The following RP1 variants were observed in gnomAD, a reference collection of about 807,000 sequenced individuals.
RP1 encodes the protein RP1 axonemal microtubule associated, also known as oxygen-regulated protein 1.
Under a neutral mutation model 14.8 loss-of-function variants are expected in RP1, and 16 were observed. The observed-to-expected ratio is 1.08, with a 90% CI of 0.73 to 1.65. The LOEUF (loss-of-function observed/expected upper bound fraction) is 1.65, where lower values mean the gene tolerates loss of function less well. Among genes scored for constraint, RP1 ranks in the 40% most tolerant of loss-of-function variants. The probability of loss-of-function intolerance (pLI) is 0.00; values close to 1 mark genes in which losing one functional copy is unlikely to be tolerated. For missense variants in RP1, 2,631 were observed against 2,535.0 expected, an observed-to-expected ratio of 1.04 and a Z score of -0.81; for synonymous variants, 876 against 883.6, an observed-to-expected ratio of 0.99 and a Z score of 0.15.
chr8:54,772,615 TG>T (rs936686775), downstream of RP1, among the ~76,000 whole-genome samples: 1 of 152,198 alleles, frequency 6.6e-6, no homozygotes, highest in African/African-American at 2.4e-5. Flanking sequence ...TGGGATAGGT[TG>T]TATCATTATT....
intron 24 of RP1, among the ~76,000 whole-genome samples, chr8:54,820,823 C>T (rs75747005): frequency 0.039 from 5,968 of 152,060 alleles, 148 homozygotes; most frequent in African/African-American, 0.068. Flanking sequence ...AGGGGAGGAT[C>T]GCTGCGGGCC....
At chr8:54,704,581 A>G (rs1432422030) in intron 14 of RP1, among the ~76,000 whole-genome samples, 1 of 152,254 alleles carries the variant, frequency 6.6e-6, no homozygotes, top group Non-Finnish European at 1.5e-5. Flanking sequence ...TTGGAAAAAT[A>G]GTACTGATAG....
rs774495291 is a variant in RP1, at chr8:54,621,497, C to T, written c.531C>T (p.Thr177=). 1.2e-6 allele frequency: 2 copies of T among 1,614,134 alleles called. No individual in the cohort carries two copies. Among genetic ancestry groups the T allele is most frequent in the Admixed American group, 1.7e-5 (1 of 60,014 alleles). ...RRAVLLSRRV[T]QSFEAFLQHL... ...CGGTTCTTCTGAGCAGGAGGGTCACCCAGAGCTTCGAGGCATTTCTACAGC... is the reference window on the plus strand; with the variant it reads ...CGGTTCTTCTGAGCAGGAGGGTCACTCAGAGCTTCGAGGCATTTCTACAGC... The change falls in exon 2 of 4, where the codon ACC becomes ACT. Residue 177 remains threonine, a synonymous_variant. Transcript: ENST00000220676.
At chr8:54,593,109 A>C (rs1805075807) in intron 1 of RP1, among the ~76,000 whole-genome samples, 1 of 152,098 alleles carries the variant, frequency 6.6e-6, no homozygotes, top group Non-Finnish European at 1.5e-5. Context: ...TTAGAATGAC[A>C]GTTCTTGGGG....
intron 18 of RP1, among the ~76,000 whole-genome samples, chr8:54,737,802 G>T (rs1045034747): frequency 1.3e-5 from 2 of 152,120 alleles, no homozygotes; most frequent in African/African-American, 4.8e-5. Context: ...GATAGTTTCT[G>T]GGTGATTTGA....
At position 54,785,985 on chromosome 8, in the gene RP1, T is replaced by C. The variant is rs912592593; in HGVS notation, c.3615+2275T>C. On this transcript the variant is annotated intron_variant, in intron 24 of 28. Transcript: ENST00000637698. ...GTTATATATTCCCAATATGAATCTG[T>C]TATCATATCGATAACAAATATGTTT... Among the ~76,000 whole-genome samples, 6 of 152,248 alleles carry C rather than the reference T, an allele frequency of 3.9e-5. No individual in the cohort carries two copies. In the South Asian group the frequency reaches 1.2e-3, roughly 32 times the overall value.
intron 19 of RP1, among the ~76,000 whole-genome samples, chr8:54,754,482 T>C (rs1411001195): frequency 2.6e-5 from 4 of 152,158 alleles, no homozygotes; most frequent in African/African-American, 7.2e-5. Flanking sequence ...TAAAAGATAG[T>C]TAAAATAAAG....
chr8:54,698,923 G>A (rs1486351347), intron 12 of RP1, among the ~76,000 whole-genome samples: 5 of 152,070 alleles, frequency 3.3e-5, no homozygotes, highest in Admixed American at 6.6e-5. Context: ...AGCATTAGGA[G>A]AAATACCTAA....
chr8:54,690,029 G>A (rs139908294), intron 12 of RP1, among the ~76,000 whole-genome samples: 21 of 152,094 alleles, frequency 1.4e-4, no homozygotes, highest in African/African-American at 5.1e-4. Flanking sequence ...TTTGTATGGT[G>A]TGTTGAAGAG....
At chr8:54,859,932 ACTC>A (rs1416757914) in intron 27 of RP1, among the ~76,000 whole-genome samples, 1 of 151,868 alleles carries the variant, frequency 6.6e-6, no homozygotes, top group Non-Finnish European at 1.5e-5. Flanking sequence ...TTATTCTCAG[ACTC>A]CTCTTTGTGA....
At chr8:54,600,100 C>T (rs950980501) in intron 1 of RP1, among the ~76,000 whole-genome samples, 2 of 152,064 alleles carry the variant, frequency 1.3e-5, no homozygotes, top group African/African-American at 4.8e-5. Flanking sequence ...TTCCACAATT[C>T]CCACATGTTG....
chr8:54,614,338 A>G (rs73679492), upstream of RP1, among the ~76,000 whole-genome samples: 11,268 of 152,266 alleles, frequency 0.074, 1,315 homozygotes, highest in African/African-American at 0.25. Context: ...ATTCTCAGGG[A>G]AGAAGCCTAA....
downstream of RP1, chr8:54,630,854 C>T (rs535308576): frequency 1.3e-5 from 13 of 990,122 alleles, no homozygotes; most frequent in South Asian, 4.5e-4. Context: ...ATGTTGAGTC[C>T]AGTTCCTCAG....
chr8:54,687,339 C>G (rs951295652), intron 12 of RP1, among the ~76,000 whole-genome samples: 1 of 152,018 alleles, frequency 6.6e-6, no homozygotes, highest in Non-Finnish European at 1.5e-5. Flanking sequence ...ACTTTAACTT[C>G]GGGGATACAT....
At chr8:54,775,189 C>T (rs910259797) in intron 23 of RP1, among the ~76,000 whole-genome samples, 2 of 151,968 alleles carry the variant, frequency 1.3e-5, no homozygotes, top group East Asian at 1.9e-4. Context: ...GTCAGAGAGG[C>T]GTGGAGATGG....
At chr8:54,637,611 C>A (rs1585574675) in intron 3 of RP1, among the ~76,000 whole-genome samples, 1 of 152,022 alleles carries the variant, frequency 6.6e-6, no homozygotes, top group South Asian at 2.1e-4. Context: ...TATTTAGAGA[C>A]ATACTGCTTT....
rs1342610529 is a variant in RP1, at chr8:54,625,810, A to T, written c.1928A>T (p.Asp643Val). Residue 643 changes from aspartate (D) to valine (V), a missense_variant, in exon 4 of 4, where the codon GAC (aspartate) becomes GTC (valine). Transcript: ENST00000220676. Reference protein sequence around the residue: ...EASSTVTARIDRLINEFAQCG... With the variant: ...EASSTVTARIVRLINEFAQCG... ...TCCTCTACTGTCACTGCAAGAATTG[A>T]CAGACTAATTAATGAATTTGCTCAG... is the stretch of plus-strand genomic sequence containing the variant. 6.2e-7 allele frequency: 1 copy of T among 1,613,368 alleles called. No individual in the cohort carries two copies. The highest frequency in any genetic ancestry group is 8.5e-7 in the Non-Finnish European group (1 of 1,179,994).
intron 3 of RP1, among the ~76,000 whole-genome samples, chr8:54,641,177 C>T (rs558803220): frequency 1.7e-3 from 260 of 152,090 alleles, no homozygotes; most frequent in African/African-American, 6.0e-3. Context: ...GATCTCCTGA[C>T]CTTGTGATCT....
At chr8:54,673,741 AAAC>A (rs4014240) in intron 7 of RP1, 6,510 of 799,894 alleles carry the variant, frequency 8.1e-3, no homozygotes, top group South Asian at 0.011. Context: ...GCCTGTCTCA[AAAC>A]AACAACAACA....
Sources: gnomAD v4.1 joint callset for allele counts (sites outside exome capture counted in the v4.1 genomes callset) on GRCh38, gnomAD v4.1.1 for gene constraint, MANE v1.5 for transcripts, NCBI Gene and HGNC (gene_info 2026-07-23, HGNC 2026-07-21) for gene names.